CEPT1: variants seen among roughly 807,000 people sequenced by gnomAD.
CEPT1 encodes the protein choline/ethanolamine phosphotransferase 1, also known as choline/ethanolaminephosphotransferase 1.
In CEPT1, 7 loss-of-function variants were observed where a neutral mutation model predicts 42.6. The ratio of observed to expected loss-of-function variants is 0.16; its 90% CI spans 0.09 to 0.31. The LOEUF is 0.31. Ranked by LOEUF, CEPT1 falls within the 10% of genes least tolerant of loss-of-function variation. The pLI is 1.00. For missense variants in CEPT1, 306 were observed against 502.1 expected (o/e 0.61, Z 3.73); for synonymous variants, 171 against 171.9 (o/e 0.99, Z 0.04).
At chr1:111,168,608 C>T (rs1656259478) in intron 4 of CEPT1, among the ~76,000 whole-genome samples, 1 of 152,010 alleles carries the variant, frequency 6.6e-6, no homozygotes, top group Admixed American at 6.6e-5. Flanking sequence ...CCTGCCTCAG[C>T]CTCCCAAGTA....
rs1655052973 is a variant in CEPT1 at position 111,147,783 on chromosome 1, G to T, written c.69G>T (p.Gly23=). 6.2e-7 allele frequency: 1 copy of T among 1,613,928 alleles called. No individual in the cohort carries two copies. Among genetic ancestry groups the T allele is most frequent in the South Asian group, 1.1e-5 (1 of 91,078 alleles). Residue 23 remains glycine (G), a synonymous_variant, in exon 2 of 9, where the codon GGG becomes GGT. Transcript: ENST00000357172. ...DSHPESPVGF[G]HMSTTGCVLN... is the part of the protein sequence containing the mutation. Reference sequence around the variant, plus strand: ...ACCCGGAGTCCCCAGTGGGCTTCGGGCATATGAGTACTACAGGATGTGTAT... The same window carrying T: ...ACCCGGAGTCCCCAGTGGGCTTCGGTCATATGAGTACTACAGGATGTGTAT...
intron 2 of CEPT1, among the ~76,000 whole-genome samples, chr1:111,155,664 G>A (rs774871491): frequency 2.0e-5 from 3 of 151,912 alleles, no homozygotes; most frequent in African/African-American, 7.3e-5. Flanking sequence ...TCAGCCTCCC[G>A]AGTAGCTGGA....
At chr1:111,174,833 ATTG>A in intron 4 of CEPT1, 43 bp from the exon 5 acceptor site, 1 of 1,168,100 alleles carries the variant, frequency 8.6e-7, no homozygotes, top group Non-Finnish European at 1.3e-6. Context: ...TTAACTTGAA[ATTG>A]TTGTGACTAA....
At chr1:111,180,601 G>A (rs1236510181) in intron 5 of CEPT1, 2 of 152,146 alleles carry the variant, frequency 1.3e-5, no homozygotes, top group Non-Finnish European at 2.9e-5. Flanking sequence ...GTTAATTTTA[G>A]AAAATTTAAC....
chr1:111,175,118 T>C (rs967789053), intron 5 of CEPT1, among the ~76,000 whole-genome samples, 155 bp downstream of exon 5: 4 of 152,188 alleles, frequency 2.6e-5, no homozygotes, highest in Non-Finnish European at 5.9e-5. Context: ...ATGGTGAATT[T>C]TACTACTTGA....
At chr1:111,181,120 C>T (rs1358210986) in intron 5 of CEPT1, 3 of 152,144 alleles carry the variant, frequency 2.0e-5, no homozygotes, top group African/African-American at 7.2e-5. Flanking sequence ...ACCAGGATCA[C>T]ACCGCTGTAC....
chr1:111,165,151 G>A (rs1310225487), intron 4 of CEPT1, among the ~76,000 whole-genome samples: 1 of 139,736 alleles, frequency 7.2e-6, no homozygotes, highest in Non-Finnish European at 1.5e-5. Flanking sequence ...CTGGGTTCAT[G>A]CCATTCTCCT....
upstream of CEPT1, chr1:111,140,095 C>G (rs1350963230): frequency 1.3e-5 from 2 of 152,130 alleles, no homozygotes; most frequent in African/African-American, 2.4e-5. Flanking sequence ...TAAAAGGAGA[C>G]AGGGCTGGGC....
chr1:111,158,953 G>T (rs866188479), intron 2 of CEPT1, among the ~76,000 whole-genome samples: 2 of 110,794 alleles, frequency 1.8e-5, no homozygotes, highest in South Asian at 2.9e-4. Context: ...TCGCTCTGTC[G>T]CCCAGGCTGG....
chr1:111,162,712 A>C (rs1420896716), intron 4 of CEPT1, among the ~76,000 whole-genome samples: 1 of 152,226 alleles, frequency 6.6e-6, no homozygotes, highest in African/African-American at 2.4e-5. Context: ...TCCTGCCAAG[A>C]CTCAAAATGA....
At chr1:111,155,747 A>G (rs923953379) in intron 2 of CEPT1, among the ~76,000 whole-genome samples, 1 of 152,108 alleles carries the variant, frequency 6.6e-6, no homozygotes, top group Non-Finnish European at 1.5e-5. Flanking sequence ...CACGTTGACC[A>G]TGCTGGTCTC....
upstream of CEPT1, chr1:111,139,586 A>T (rs144025898): frequency 3.8e-3 from 579 of 152,348 alleles, 4 homozygotes; most frequent in African/African-American, 0.014. Flanking sequence ...GCTTCAACAA[A>T]CCAGAGGAAT....
At chr1:111,182,030 T>C (rs1657018442) in intron 5 of CEPT1, 157 bp from the exon 6 acceptor site, 1 of 485,890 alleles carries the variant, frequency 2.1e-6, no homozygotes, top group African/African-American at 2.0e-5. Flanking sequence ...CTTGCTATAT[T>C]GCTTATAATG....
chr1:111,144,922 A>C (rs1047184383), intron 1 of CEPT1, among the ~76,000 whole-genome samples: 10 of 152,328 alleles, frequency 6.6e-5, no homozygotes, highest in African/African-American at 2.2e-4. Flanking sequence ...TTACTTTAAA[A>C]CAGTTTTAAT....
At chr1:111,184,134 T>C (rs1407807796) in intron 8 of CEPT1, 57 bp from the exon 9 acceptor site, 1 of 1,586,720 alleles carries the variant, frequency 6.3e-7, no homozygotes, top group South Asian at 1.1e-5. Context: ...CCTCTTTACT[T>C]TCAGGAAGCT....
chr1:111,167,014 T>C, intron 4 of CEPT1: 2 of 476,176 alleles, frequency 4.2e-6, no homozygotes, highest in Non-Finnish European at 5.5e-6. Flanking sequence ...AATGCTACTT[T>C]TTAAATCTAT....
In CEPT1 at chr1:111,164,866, G is replaced by A. The variant is rs570149037; in HGVS notation, c.629+3570G>A. 9.9e-5 allele frequency among the ~76,000 whole-genome samples: 15 copies of A among 151,604 alleles called. No homozygotes were observed. The East Asian group carries it at 1.8e-3, about 18-fold the overall frequency. On this transcript the variant is annotated intron_variant, in intron 4 of 8. Transcript: ENST00000357172. ...TCTCGATCTCCTGACCTCGTGATCTGCCCACCTTGGCCTCCCAAAGTGCTG... is the reference window on the plus strand; with the variant it reads ...TCTCGATCTCCTGACCTCGTGATCTACCCACCTTGGCCTCCCAAAGTGCTG...
In CEPT1 at chr1:111,161,909, TAGG is replaced by T. The variant is rs1312623189; in HGVS notation, c.629+616_629+618del. Among the ~76,000 whole-genome samples, 5 of 152,186 alleles carry T rather than the reference TAGG, an allele frequency of 3.3e-5. No homozygotes were observed. In the East Asian group the frequency reaches 7.7e-4, roughly 23 times the overall value. Reference sequence around the variant, plus strand: ...AAGGAAAGAAAATTAACCATGGATGTAGGAGAAGAGTAAATAGTGTTTTTAGAA... The same window carrying T: ...AAGGAAAGAAAATTAACCATGGATGTAGAAGAGTAAATAGTGTTTTTAGAA... On this transcript the variant is annotated intron_variant, in intron 4 of 8. Coordinates refer to ENST00000357172, the MANE Select transcript of CEPT1 (RefSeq NM_006090.5).
At chr1:111,152,512 G>A (rs1360615603) in intron 2 of CEPT1, among the ~76,000 whole-genome samples, 2 of 152,020 alleles carry the variant, frequency 1.3e-5, no homozygotes, top group African/African-American at 4.8e-5. Flanking sequence ...AGTAGAAAAA[G>A]CAACATGTGG....
Sources: gnomAD v4.1 joint callset for allele counts (sites outside exome capture counted in the v4.1 genomes callset) on GRCh38, gnomAD v4.1.1 for gene constraint, MANE v1.5 for transcripts, NCBI Gene and HGNC (gene_info 2026-07-23, HGNC 2026-07-21) for gene names.